CARF: variants seen among roughly 807,000 people sequenced by gnomAD.
CARF encodes calcium-responsive transcription factor.
In CARF, 57 loss-of-function variants were observed where a neutral mutation model predicts 82.0. The observed-to-expected ratio is 0.70, with a 90% CI of 0.56 to 0.87. The LOEUF (loss-of-function observed/expected upper bound fraction) is 0.87, where lower values mean the gene tolerates loss of function less well. Ranked by LOEUF, CARF falls within the 40% of genes least tolerant of loss-of-function variation. The probability of loss-of-function intolerance (pLI) is 0.00; values close to 1 mark genes in which losing one functional copy is unlikely to be tolerated. For synonymous variants in CARF, 268 were observed against 290.1 expected, an observed-to-expected ratio of 0.92 and a Z score of 0.77; for missense variants, 771 against 855.8, an observed-to-expected ratio of 0.90 and a Z score of 1.24.
intron 9 of CARF, among the ~76,000 whole-genome samples, chr2:202,965,985 C>T (rs1285946875): frequency 6.6e-6 from 1 of 152,164 alleles, no homozygotes; most frequent in Non-Finnish European, 1.5e-5. Context: ...GAGGGAGGGT[C>T]TACTTTCAGA....
In CARF at chr2:202,983,502, A is replaced by G; in HGVS notation, c.2060-4A>G. ...TTTTAGGATTTTTCTGTTTGTTTTT[A>G]AAGTTGAAGAAAATCCAGAAAGTAC... On this transcript the variant is annotated splice_region_variant and splice_polypyrimidine_tract_variant and intron_variant, in intron 16 of 16. Coordinates refer to ENST00000438828, the MANE Select transcript of CARF (RefSeq NM_024744.17). 6.4e-7 allele frequency: 1 copy of G among 1,557,818 alleles called. No homozygotes were observed.
intron 3 of CARF, among the ~76,000 whole-genome samples, chr2:202,930,389 T>C (rs1208053417): frequency 6.6e-6 from 1 of 152,198 alleles, no homozygotes; most frequent in Non-Finnish European, 1.5e-5. Context: ...CCATAATTCT[T>C]ATAGACTTTC....
In CARF at chr2:202,983,524, GT is replaced by G. The variant is rs1320553049; in HGVS notation, c.2079del (p.Ser693ArgfsTer5). ...HSALIEENPE[S>X]TISVSQVKQE... Reference sequence around the variant, plus strand: ...TTTAAAGTTGAAGAAAATCCAGAAAGTACCATTTCTGTGAGCCAAGTTAAAC... The same window carrying G: ...TTTAAAGTTGAAGAAAATCCAGAAAGACCATTTCTGTGAGCCAAGTTAAAC... On this transcript the variant is annotated frameshift_variant, in exon 17 of 17. Transcript: ENST00000438828. LOFTEE classifies it high-confidence loss of function. 2.5e-6 allele frequency: 4 copies of G among 1,606,286 alleles called. No homozygotes were observed. The highest frequency in any genetic ancestry group is 3.4e-6 in the Non-Finnish European group (4 of 1,176,254).
intron 7 of CARF, among the ~76,000 whole-genome samples, chr2:202,954,918 G>A (rs1224964178): frequency 3.3e-5 from 5 of 151,570 alleles, no homozygotes; most frequent in African/African-American, 1.2e-4. Context: ...GGAGGCTGAG[G>A]CAGGAGAATG....
chr2:202,934,028 A>G (rs1283941160), intron 3 of CARF, among the ~76,000 whole-genome samples: 1 of 152,070 alleles, frequency 6.6e-6, no homozygotes, highest in Admixed American at 6.6e-5. Flanking sequence ...CATAAAATAC[A>G]CTAATGTTAG....
intron 3 of CARF, among the ~76,000 whole-genome samples, chr2:202,933,762 G>T (rs914768679): frequency 6.6e-6 from 1 of 152,084 alleles, no homozygotes; most frequent in African/African-American, 2.4e-5. Flanking sequence ...CTGATGTGAC[G>T]TGACTACAGT....
intron 4 of CARF, chr2:202,942,450 A>G (rs2058276179): frequency 4.4e-6 from 1 of 224,904 alleles, no homozygotes; most frequent in Admixed American, 6.5e-5. Flanking sequence ...ACAGAACTTA[A>G]TGCTAAGATA....
chr2:202,967,193 G>C (rs1016374486), intron 10 of CARF, 95 bp downstream of exon 10: 4 of 1,322,144 alleles, frequency 3.0e-6, no homozygotes, highest in Non-Finnish European at 4.1e-6. Context: ...GTACCAAAAA[G>C]TATACAGTGA....
At chr2:202,914,442 T>C (rs1689211458) in intron 1 of CARF, among the ~76,000 whole-genome samples, 1 of 152,140 alleles carries the variant, frequency 6.6e-6, no homozygotes, top group Admixed American at 6.5e-5. Context: ...AGTTTTCTTA[T>C]CTACAAACAG....
Position 202,941,933 on chromosome 2 carries a change from A to G in CARF, c.31A>G (p.Asn11Asp), listed in dbSNP as rs748429967. The change falls in exon 4 of 17, where the codon AAC (asparagine) becomes GAC (aspartate). Residue 11 changes from asparagine (N) to aspartate (D), a missense_variant. Transcript: ENST00000438828. MEQSNDSLRV[N>D]HNDGEESKTS... is the part of the protein sequence containing the mutation. ...ACAATCTAATGATTCATTAAGAGTC[A>G]ACCATAATGACGGTGAAGAGTCAAA... The G allele has an allele frequency of 1.4e-5, 23 of 1,613,476 alleles. No individual in the cohort carries two copies. The East Asian group carries it at 4.7e-4, about 33-fold the overall frequency.
intron 3 of CARF, chr2:202,925,568 A>G (rs935904982): frequency 1.7e-5 from 4 of 240,846 alleles, no homozygotes; most frequent in Non-Finnish European, 3.3e-5. Flanking sequence ...ATGAAGACAG[A>G]TCTCTAAGAT....
At chr2:202,939,682 TTTC>T (rs1262828925) in intron 3 of CARF, among the ~76,000 whole-genome samples, 7,252 of 143,998 alleles carry the variant, frequency 0.05, 297 homozygotes, top group Non-Finnish European at 0.079. Flanking sequence ...ATTGCCTTTT[TTTC>T]TTTTTTTTTT....
Position 202,971,631 on chromosome 2 carries a change from T to A in CARF, c.1224T>A (p.Asp408Glu). The A allele has an allele frequency of 6.2e-7, 1 of 1,613,638 alleles. No individual in the cohort carries two copies. The change falls in exon 12 of 17, where the codon GAT becomes GAA. Residue 408 changes from aspartate (D) to glutamate (E), a missense_variant. Transcript: ENST00000438828. ...AAGAAGAGGAAACTGCAGTTAGAGATGAGAATTGTGCATTACCCTCACGTT... is the reference window on the plus strand; with the variant it reads ...AAGAAGAGGAAACTGCAGTTAGAGAAGAGAATTGTGCATTACCCTCACGTT... ...SLEEEETAVRDENCALPSRLH... is the reference protein window; with the variant it reads ...SLEEEETAVREENCALPSRLH...
At chr2:202,955,468 T>C (rs1364673789) in intron 7 of CARF, among the ~76,000 whole-genome samples, 1 of 152,198 alleles carries the variant, frequency 6.6e-6, no homozygotes, top group Admixed American at 6.5e-5. Flanking sequence ...AGAAGAAATT[T>C]AGGTCTTTGA....
intron 3 of CARF, among the ~76,000 whole-genome samples, chr2:202,933,828 A>T (rs1473414881): frequency 2.6e-5 from 4 of 151,356 alleles, no homozygotes; most frequent in African/African-American, 9.7e-5. Context: ...GAAATTTTGT[A>T]TCCTTTGACC....
chr2:202,969,023 C>A (rs2059665926), intron 10 of CARF, among the ~76,000 whole-genome samples: 1 of 152,166 alleles, frequency 6.6e-6, no homozygotes, highest in Admixed American at 6.5e-5. Flanking sequence ...GGTGTGGTGG[C>A]TCACGCCTAT....
chr2:202,974,392 T>G lies in CARF; in HGVS notation c.1390T>G (p.Ser464Ala), dbSNP rs777354127. 6.2e-7 allele frequency: 1 copy of G among 1,610,124 alleles called. No homozygotes were observed. The highest frequency in any genetic ancestry group is 8.5e-7 in the Non-Finnish European group (1 of 1,179,096). ...PDEVPERHNL[S>A]FFPTVNDIKN... ...TGAGGTACCTGAAAGACATAATTTA[T>G]CTTTTTTTCCAACTGTAAATGATAT... Residue 464 changes from serine (S) to alanine (A), a missense_variant, in exon 13 of 17, where the codon TCT becomes GCT. Physicochemically the swap from Ser to Ala is moderately conservative, Grantham distance 99. Transcript: ENST00000438828.
intron 2 of CARF, among the ~76,000 whole-genome samples, chr2:202,920,348 G>A (rs1690563389): frequency 6.6e-6 from 1 of 151,704 alleles, no homozygotes; most frequent in Admixed American, 6.6e-5. Context: ...GTAGAGATGG[G>A]GTTTCACCAT....
intron 5 of CARF, among the ~76,000 whole-genome samples, chr2:202,948,442 G>A (rs1006366604): frequency 5.9e-5 from 9 of 152,134 alleles, no homozygotes; most frequent in Admixed American, 2.0e-4. Context: ...ATTGCTTTGC[G>A]CAGTGTGGCC....
Sources: allele counts gnomAD v4.1 joint callset (sites outside exome capture counted in the v4.1 genomes callset), GRCh38; gene constraint gnomAD v4.1.1; transcripts MANE v1.5; gene names NCBI Gene and HGNC (gene_info 2026-07-23, HGNC 2026-07-21).